Variants in JADE3 observed in about 807,000 individuals in gnomAD.
The protein encoded by JADE3 is protein Jade-3.
JADE3 carries 2 observed loss-of-function variants against 50.1 expected under a neutral mutation model. The ratio of observed to expected loss-of-function variants is 0.04; its 90% CI spans 0.02 to 0.13. The LOEUF (loss-of-function observed/expected upper bound fraction) is 0.13. Ranked by LOEUF, JADE3 falls within the 10% of genes least tolerant of loss-of-function variation. JADE3 has a pLI of 1.00. For synonymous variants in JADE3, 218 were observed against 232.9 expected (o/e 0.94, Z 0.58); for missense variants, 475 against 634.4 (o/e 0.75, Z 2.70).
chrX:47,058,480 C>G lies in JADE3; in HGVS notation c.1875C>G (p.Thr625=), dbSNP rs1556373941. The change falls in exon 11 of 11, where the codon ACC becomes ACG. Residue 625 remains threonine, a synonymous_variant. Transcript: ENST00000614628. The part of the protein sequence containing the change: ...EAKESSPAWR[T]PSSECYHGQS... ...AGGAGTCCAGTCCTGCTTGGAGAAC[C>G]CCGTCCTCGGAGTGCTATCATGGGC... The G allele has an allele frequency of 8.3e-7, 1 of 1,209,228 alleles. No individual in the cohort carries two copies. The highest frequency in any genetic ancestry group is 1.1e-6 in the Non-Finnish European group (1 of 894,774).
chrX:46,994,995 C>T (rs1473141700), intron 3 of JADE3, among the ~76,000 whole-genome samples: 1 of 110,434 alleles, frequency 9.1e-6, no homozygotes, highest in Non-Finnish European at 1.9e-5. Flanking sequence ...TATACCAATC[C>T]AGGTGGTCTG....
chrX:46,995,687 AAT>A (rs1333448195), intron 3 of JADE3, among the ~76,000 whole-genome samples: 1 of 111,826 alleles, frequency 8.9e-6, no homozygotes, highest in African/African-American at 3.3e-5. Context: ...CAGTCTGGTA[AAT>A]ATGTTTTATA....
At chrX:47,005,115 G>T (rs1556360053) in intron 4 of JADE3, among the ~76,000 whole-genome samples, 1 of 111,741 alleles carries the variant, frequency 8.9e-6, no homozygotes, top group African/African-American at 3.3e-5. Context: ...CCCAGAGTTG[G>T]TGCTGGAGAA....
At chrX:46,945,011 A>ATT (rs60937622) in intron 1 of JADE3, among the ~76,000 whole-genome samples, 79 of 97,174 alleles carry the variant, frequency 8.1e-4, no homozygotes, top group African/African-American at 2.8e-3. Flanking sequence ...ACCTGGCTGA[A>ATT]TTTTTTTTTT....
intron 1 of JADE3, among the ~76,000 whole-genome samples, chrX:46,956,887 T>G (rs1462458640): frequency 9.3e-6 from 1 of 107,726 alleles, no homozygotes; most frequent in African/African-American, 3.4e-5. Context: ...AGTGGCATGA[T>G]CTCGGCTCAC....
At chrX:47,040,659 C>T (rs1447325734) in intron 8 of JADE3, among the ~76,000 whole-genome samples, 2 of 111,680 alleles carry the variant, frequency 1.8e-5, no homozygotes, top group Non-Finnish European at 3.8e-5. Context: ...AAACCATCTC[C>T]CTCCAGTCCA....
At chrX:46,999,397 T>A (rs782064857) in intron 4 of JADE3, among the ~76,000 whole-genome samples, 3 of 65,648 alleles carry the variant, frequency 4.6e-5, no homozygotes, top group Middle Eastern at 6.2e-3. Flanking sequence ...GTGGGAAGTT[T>A]TATATATATA....
At chrX:47,050,552 A>C (rs1556371754) in intron 8 of JADE3, among the ~76,000 whole-genome samples, 4 of 112,305 alleles carry the variant, frequency 3.6e-5, no homozygotes, top group African/African-American at 1.3e-4. Flanking sequence ...CTCCAGCTAT[A>C]AATACCACAG....
At chrX:46,917,684 G>A (rs1926115073) in intron 1 of JADE3, among the ~76,000 whole-genome samples, 1 of 110,272 alleles carries the variant, frequency 9.1e-6, no homozygotes, top group Non-Finnish European at 1.9e-5. Context: ...AGATGAGGTG[G>A]GCAGGGAAAG....
intron 7 of JADE3, 105 bp downstream of exon 7, chrX:47,033,893 C>A: frequency 1.4e-6 from 1 of 700,561 alleles, no homozygotes. Flanking sequence ...TCATGCTTGC[C>A]CATGTTTCTG....
chrX:46,952,901 G>A (rs1927037748), intron 1 of JADE3, among the ~76,000 whole-genome samples: 1 of 110,641 alleles, frequency 9.0e-6, no homozygotes, highest in Admixed American at 9.6e-5. Flanking sequence ...AGGAGGCTGA[G>A]GCAGGAGAAT....
intron 1 of JADE3, among the ~76,000 whole-genome samples, chrX:46,917,859 C>A (rs1296263768): frequency 1.1e-3 from 45 of 39,851 alleles, no homozygotes; most frequent in African/African-American, 5.2e-3. Flanking sequence ...CTCTCTCATC[C>A]TCTCTCTCTC....
At chrX:47,048,096 A>G (rs1183516308) in intron 8 of JADE3, among the ~76,000 whole-genome samples, 2 of 111,513 alleles carry the variant, frequency 1.8e-5, no homozygotes, top group African/African-American at 6.5e-5. Flanking sequence ...TTGGCCACGT[A>G]GGCATTGCTC....
chrX:47,022,863 G>A (rs1928825388), intron 4 of JADE3, among the ~76,000 whole-genome samples: 1 of 110,985 alleles, frequency 9.0e-6, no homozygotes, highest in South Asian at 3.9e-4. Context: ...GTCAGGAAGG[G>A]TGAGGGGAAA....
chrX:46,982,755 C>T (rs1927783859), intron 1 of JADE3, among the ~76,000 whole-genome samples: 1 of 111,165 alleles, frequency 9.0e-6, no homozygotes, highest in South Asian at 3.9e-4. Flanking sequence ...TTTGGTGAGG[C>T]TCTCCTTGGC....
intron 1 of JADE3, among the ~76,000 whole-genome samples, chrX:46,970,753 G>A (rs1352923455): frequency 9.9e-5 from 11 of 111,480 alleles, no homozygotes; most frequent in African/African-American, 2.9e-4. Flanking sequence ...GGCATGTTAC[G>A]TTGTTACGAA....
intron 4 of JADE3, among the ~76,000 whole-genome samples, chrX:47,019,408 AG>A (rs1472657189): frequency 9.0e-6 from 1 of 110,912 alleles, no homozygotes; most frequent in Non-Finnish European, 1.9e-5. Context: ...GTTTAGAGAT[AG>A]GGTCGCACTC....
intron 1 of JADE3, among the ~76,000 whole-genome samples, chrX:46,940,510 C>G (rs1307629055): frequency 1.8e-5 from 2 of 111,655 alleles, no homozygotes; most frequent in Non-Finnish European, 3.8e-5. Flanking sequence ...TAGAGTTGGG[C>G]TTTTTATAGG....
chrX:46,934,281 G>A (rs1680204701), intron 1 of JADE3, among the ~76,000 whole-genome samples: 4 of 108,410 alleles, frequency 3.7e-5, no homozygotes, highest in South Asian at 4.0e-4. Context: ...GACTACAGGC[G>A]CACACCACCA....
Sources: gnomAD v4.1 joint callset for allele counts (sites outside exome capture counted in the v4.1 genomes callset) on GRCh38, gnomAD v4.1.1 for gene constraint, MANE v1.5 for transcripts, NCBI Gene and HGNC (gene_info 2026-07-23, HGNC 2026-07-21) for gene names.